MTUS2: variants seen among roughly 807,000 people sequenced by gnomAD.
MTUS2 encodes microtubule associated scaffold protein 2.
In MTUS2, 40 loss-of-function variants were observed where a neutral mutation model predicts 114.1. The ratio of observed to expected loss-of-function variants is 0.35; its 90% CI spans 0.27 to 0.46. The LOEUF is 0.46. MTUS2 is among the 20% of genes least tolerant of loss of function. The probability of loss-of-function intolerance (pLI) is 1.00; values close to 1 mark genes in which losing one functional copy is unlikely to be tolerated. For missense variants in MTUS2, 1,679 were observed against 1,705.4 expected (o/e 0.98, Z 0.27); for synonymous variants, 688 against 672.0 (o/e 1.02, Z -0.37).
At chr13:29,021,869 G>A (rs933657563) in intron 2 of MTUS2, among the ~76,000 whole-genome samples, 1 of 152,180 alleles carries the variant, frequency 6.6e-6, no homozygotes, top group Non-Finnish European at 1.5e-5. Context: ...CTGTGATCAG[G>A]GTATGAGCAA....
chr13:28,905,879 G>A (rs1057063755), intron 2 of MTUS2, among the ~76,000 whole-genome samples: 1 of 151,496 alleles, frequency 6.6e-6, no homozygotes, highest in Non-Finnish European at 1.5e-5. Context: ...GAATCCATGT[G>A]GTCCTGGACT....
At chr13:29,061,401 A>G (rs1888411031) in intron 4 of MTUS2, among the ~76,000 whole-genome samples, 1 of 152,176 alleles carries the variant, frequency 6.6e-6, no homozygotes, top group African/African-American at 2.4e-5. Flanking sequence ...GGAATTGTTT[A>G]TCTTACAGCT....
intron 8 of MTUS2, among the ~76,000 whole-genome samples, chr13:29,384,422 C>T (rs983772351): frequency 2.6e-5 from 4 of 152,204 alleles, no homozygotes; most frequent in African/African-American, 9.7e-5. Flanking sequence ...AGAAGCAGGA[C>T]TTTACCTGGT....
chr13:29,305,110 C>T (rs1455264060), intron 6 of MTUS2, among the ~76,000 whole-genome samples: 1 of 152,064 alleles, frequency 6.6e-6, no homozygotes, highest in East Asian at 1.9e-4. Context: ...GGCAATGTAC[C>T]AGAATCTCTG....
intron 4 of MTUS2, among the ~76,000 whole-genome samples, chr13:29,098,074 C>T (rs1198652995): frequency 5.9e-5 from 9 of 152,144 alleles, no homozygotes; most frequent in Non-Finnish European, 1.3e-4. Context: ...CCACCTGAAT[C>T]AGAATCACTG....
At chr13:29,102,984 G>GAAAGCTTTGCTGGAGC (rs1410548491) in intron 5 of MTUS2, among the ~76,000 whole-genome samples, 7 of 152,212 alleles carry the variant, frequency 4.6e-5, no homozygotes, top group South Asian at 2.1e-4. Flanking sequence ...ATGGTGTGTG[G>GAAAGCTTTGCTGGAGC]AAAGCTTTGC....
chr13:29,128,768 T>A (rs867551175), intron 5 of MTUS2, among the ~76,000 whole-genome samples: 14 of 152,214 alleles, frequency 9.2e-5, no homozygotes, highest in African/African-American at 2.9e-4. Flanking sequence ...AATGCCAGGT[T>A]GCCTTCAACT....
At chr13:28,894,509 A>C (rs1041941957) in intron 2 of MTUS2, among the ~76,000 whole-genome samples, 3 of 152,068 alleles carry the variant, frequency 2.0e-5, no homozygotes, top group Admixed American at 6.6e-5. Flanking sequence ...GAACTGAGAA[A>C]ATAAATTTCT....
chr13:28,845,254 A>G (rs935891091), intron 2 of MTUS2, among the ~76,000 whole-genome samples: 8 of 152,208 alleles, frequency 5.3e-5, no homozygotes, highest in African/African-American at 1.9e-4. Flanking sequence ...CTGGCTAGCA[A>G]CATTTTCTAA....
intron 7 of MTUS2, among the ~76,000 whole-genome samples, chr13:29,351,939 A>G (rs1039964414): frequency 4.6e-5 from 7 of 152,036 alleles, no homozygotes. Flanking sequence ...CTTGATAGAT[A>G]TGTCCTGTTC....
At chr13:29,093,128 AAAAC>A (rs1407326239) in intron 4 of MTUS2, among the ~76,000 whole-genome samples, 4 of 152,154 alleles carry the variant, frequency 2.6e-5, no homozygotes, top group Non-Finnish European at 2.9e-5. Flanking sequence ...AGTCAAAGTG[AAAAC>A]AAACAAACAA....
At chr13:28,993,339 C>T (rs1007743701) in intron 2 of MTUS2, among the ~76,000 whole-genome samples, 2 of 152,088 alleles carry the variant, frequency 1.3e-5, no homozygotes, top group African/African-American at 4.8e-5. Flanking sequence ...GCAGCTGTAC[C>T]ATTTTATAAT....
At chr13:28,975,269 A>G (rs938480283) in intron 2 of MTUS2, among the ~76,000 whole-genome samples, 2 of 139,560 alleles carry the variant, frequency 1.4e-5, no homozygotes, top group Non-Finnish European at 1.7e-5. Context: ...TCTTGATTCT[A>G]AAAATCACTT....
In MTUS2 at chr13:29,321,279, GA is replaced by G. The variant is rs1303459990; in HGVS notation, c.2807-3332del. On this transcript the variant is annotated intron_variant, in intron 6 of 15. Coordinates refer to ENST00000612955, the MANE Select transcript of MTUS2 (RefSeq NM_001033602.4). ...TAAGGAAAGAAGACAGAGTAGCCAA[GA>G]AGGCTGAGACAACAGCCGGGAGGCA... 1.1e-4 allele frequency among the ~76,000 whole-genome samples: 16 copies of G among 152,316 alleles called. No individual in the cohort carries two copies. In the East Asian group the frequency reaches 1.7e-3, roughly 17 times the overall value.
chr13:29,389,320 C>CGTGTGTATGTATGT (rs1566172254), intron 8 of MTUS2, among the ~76,000 whole-genome samples: 2 of 65,966 alleles, frequency 3.0e-5, no homozygotes, highest in Non-Finnish European at 3.5e-5. Flanking sequence ...TATGTATACA[C>CGTGTGTATGTATGT]ATATGTGTGT....
chr13:28,826,831 A>G (rs1204073890), intron 1 of MTUS2, among the ~76,000 whole-genome samples: 1 of 152,262 alleles, frequency 6.6e-6, no homozygotes. Context: ...GCAGAAGCAA[A>G]TAACACTTAA....
rs570886741 is a variant in MTUS2 at position 28,960,504 on chromosome 13, T to A, written c.-242-63953T>A. 5.9e-5 allele frequency among the ~76,000 whole-genome samples: 9 copies of A among 152,316 alleles called. No individual in the cohort carries two copies. In the East Asian group the frequency reaches 1.3e-3, roughly 23 times the overall value. ...GCATACACAATATATCCTCATACAA[T>A]TGAATGTTATTCAGCCATAAAAAAT... On this transcript the variant is annotated intron_variant, in intron 2 of 15. Transcript: ENST00000612955.
At chr13:29,126,863 C>T (rs1319387134) in intron 5 of MTUS2, among the ~76,000 whole-genome samples, 2 of 152,178 alleles carry the variant, frequency 1.3e-5, no homozygotes, top group Non-Finnish European at 2.9e-5. Context: ...GTTTTCTCAT[C>T]AGCACATGTG....
chr13:28,945,989 A>G (rs1242756652), intron 2 of MTUS2, among the ~76,000 whole-genome samples: 2 of 152,208 alleles, frequency 1.3e-5, no homozygotes, highest in African/African-American at 4.8e-5. Context: ...CTCATGGATG[A>G]TGATGTATTC....
Sources: gnomAD v4.1 joint callset for allele counts (sites outside exome capture counted in the v4.1 genomes callset) on GRCh38, gnomAD v4.1.1 for gene constraint, MANE v1.5 for transcripts, NCBI Gene and HGNC (gene_info 2026-07-23, HGNC 2026-07-21) for gene names.